MATR3: variants seen among roughly 807,000 people sequenced by gnomAD.
The protein encoded by MATR3 is matrin-3.
Under a neutral mutation model 85.5 loss-of-function variants are expected in MATR3, and 4 were observed. The ratio of observed to expected loss-of-function variants is 0.05; its 90% CI spans 0.02 to 0.11. The LOEUF is 0.11. Ranked by LOEUF, MATR3 falls within the 10% of genes least tolerant of loss-of-function variation. The pLI, the probability that MATR3 is intolerant of heterozygous loss-of-function variation, is 1.00. For synonymous variants in MATR3, 336 were observed against 343.1 expected, an observed-to-expected ratio of 0.98 and a Z score of 0.23; for missense variants, 685 against 1,016.1, an observed-to-expected ratio of 0.67 and a Z score of 4.43.
rs1756095033 is a variant in MATR3, at chr5:139,330,661, A to G, written c.*1266A>G. 2.2e-6 allele frequency: 1 copy of G among 454,172 alleles called. No homozygotes were observed. Among genetic ancestry groups the G allele is most frequent in the South Asian group, 1.6e-5 (1 of 64,480 alleles). The allele number at this position is 454,172 out of a possible 1,614,324, so 28.1% of individuals were successfully genotyped here. ...GAATTAAAAATGCTACAGGTGAACA[A>G]ACAGAAGCTTATGTTTAGAGATATT... On this transcript the variant is annotated 3_prime_UTR_variant, in exon 15 of 15. Coordinates refer to ENST00000394805, the MANE Select transcript of MATR3 (RefSeq NM_018834.6).
chr5:139,322,979 T>G lies in MATR3; in HGVS notation c.2148+12T>G. ...AAAAGCTTAAAAAGGTAAAGAAAGA[T>G]ACATTGATTTGTTTTAATAGAACAT... On this transcript the variant is annotated intron_variant, in intron 12 of 14. Transcript: ENST00000394805. 3 of 1,542,670 alleles carry G rather than the reference T, an allele frequency of 1.9e-6. No homozygotes were observed. The highest frequency in any genetic ancestry group is 1.8e-6 in the Non-Finnish European group (2 of 1,124,946).
chr5:139,327,209 TACTC>T (rs1378170012), intron 14 of MATR3, among the ~76,000 whole-genome samples: 7 of 152,214 alleles, frequency 4.6e-5, no homozygotes, highest in East Asian at 1.9e-4. Context: ...TAACTATAGT[TACTC>T]AGTCATTAGA....
chr5:139,320,680 G>C (rs1755512610), intron 9 of MATR3, among the ~76,000 whole-genome samples: 1 of 150,402 alleles, frequency 6.6e-6, no homozygotes, highest in Non-Finnish European at 1.5e-5. Context: ...ATTCAGCATT[G>C]CAAGTTTGTG....
chr5:139,302,465 A>G (rs1276394262), intron 1 of MATR3, among the ~76,000 whole-genome samples: 1 of 152,070 alleles, frequency 6.6e-6, no homozygotes, highest in African/African-American at 2.4e-5. Context: ...TACACCATTA[A>G]AATGAAAACT....
intron 1 of MATR3, among the ~76,000 whole-genome samples, chr5:139,295,977 C>A (rs1004661938): frequency 6.6e-6 from 1 of 152,138 alleles, no homozygotes; most frequent in East Asian, 1.9e-4. Flanking sequence ...GCGCGCGCCA[C>A]CACACCAAGC....
chr5:139,303,109 G>C (rs1169034430), intron 1 of MATR3, among the ~76,000 whole-genome samples: 1 of 147,274 alleles, frequency 6.8e-6, no homozygotes, highest in Non-Finnish European at 1.5e-5. Flanking sequence ...TTTTTTATTT[G>C]TTTTGTTTTT....
Position 139,317,059 on chromosome 5 carries a change from G to C in MATR3, c.1136G>C (p.Gly379Ala), listed in dbSNP as rs1755286633. The C allele has an allele frequency of 6.2e-7, 1 of 1,613,950 alleles. No individual in the cohort carries two copies. Among genetic ancestry groups the C allele is most frequent in the South Asian group, 1.1e-5 (1 of 91,080 alleles). Reference sequence around the variant, plus strand: ...ACTTTCTCTTCCCATAAAGGTGCTGGAAATGGAAACCTGCAAGGACCTAGA... The same window carrying C: ...ACTTTCTCTTCCCATAAAGGTGCTGCAAATGGAAACCTGCAAGGACCTAGA... ...AVGPRGNLGA[G>A]NGNLQGPRHM... The change falls in exon 6 of 15, where the codon GGA (glycine) becomes GCA (alanine). Residue 379 changes from glycine to alanine, a missense_variant. Physicochemically the swap from Gly to Ala is moderately conservative, Grantham distance 60 (BLOSUM62 0). Around this residue, in one of 9 missense-constraint regions of MATR3, gnomAD observed 223 missense variants for 334.4 expected, o/e 0.67. Coordinates refer to ENST00000394805, the MANE Select transcript of MATR3 (RefSeq NM_018834.6).
At chr5:139,325,265 T>C in intron 12 of MATR3, 175 bp from the exon 13 acceptor site, 2 of 1,550,360 alleles carry the variant, frequency 1.3e-6, no homozygotes, top group Non-Finnish European at 1.7e-6. Flanking sequence ...GCAGGATAAT[T>C]GTTGCAGAGT....
chr5:139,324,717 C>T (rs1345319792), intron 12 of MATR3, among the ~76,000 whole-genome samples: 1 of 152,128 alleles, frequency 6.6e-6, no homozygotes, highest in African/African-American at 2.4e-5. Flanking sequence ...TTACACATTG[C>T]CTAGCAGCAT....
chr5:139,291,615 C>G (rs1032116957), upstream of MATR3, among the ~76,000 whole-genome samples: 2 of 152,098 alleles, frequency 1.3e-5, no homozygotes, highest in Non-Finnish European at 2.9e-5. Context: ...TTGGCTTCAC[C>G]GCAACCTCCG....
At chr5:139,302,858 G>C (rs1186290699) in intron 1 of MATR3, among the ~76,000 whole-genome samples, 1 of 152,202 alleles carries the variant, frequency 6.6e-6, no homozygotes, top group East Asian at 1.9e-4. Flanking sequence ...TGGAAAATCT[G>C]AGCATTTCTT....
intron 1 of MATR3, among the ~76,000 whole-genome samples, chr5:139,298,772 G>A (rs1426379309): frequency 6.6e-6 from 1 of 152,172 alleles, no homozygotes; most frequent in African/African-American, 2.4e-5. Flanking sequence ...GAGCACCATG[G>A]AGGAGGAAGT....
At chr5:139,287,119 C>G (rs1753731258) in intron 3 of MATR3, among the ~76,000 whole-genome samples, 1 of 152,080 alleles carries the variant, frequency 6.6e-6, no homozygotes, top group African/African-American at 2.4e-5. Context: ...GGACTTTTAC[C>G]TTTGTCAAGC....
intron 1 of MATR3, among the ~76,000 whole-genome samples, chr5:139,296,447 A>C (rs923253534): frequency 1.3e-5 from 2 of 152,230 alleles, no homozygotes; most frequent in Admixed American, 1.3e-4. Flanking sequence ...TTACTCCCTG[A>C]TGTTTTTCTG....
upstream of MATR3, among the ~76,000 whole-genome samples, chr5:139,290,438 C>CTTTTTTTTTTTTTTTTTTT (rs762364450): frequency 3.1e-4 from 14 of 44,978 alleles, 6 homozygotes; most frequent in African/African-American, 1.6e-3. Context: ...CCTGGCCGCT[C>CTTTTTTTTTTTTTTTTTTT]TTTTTTTTTT....
At chr5:139,286,270 C>T (rs1016586905) in intron 3 of MATR3, among the ~76,000 whole-genome samples, 4 of 152,070 alleles carry the variant, frequency 2.6e-5, no homozygotes, top group African/African-American at 9.7e-5. Flanking sequence ...AACTCTGCTG[C>T]AGACAGCATA....
chr5:139,321,862 T>C lies in MATR3; in HGVS notation c.1603-36T>C, dbSNP rs528387752. 6.2e-6 allele frequency: 10 copies of C among 1,605,738 alleles called. No homozygotes were observed. In the African/African-American group the frequency reaches 9.4e-5, roughly 15 times the overall value. ...AGGTTTTATACAATTTTGTAAAATATAATGTGCTTTGTGGTTTCTTTTCTT... is the reference window on the plus strand; with the variant it reads ...AGGTTTTATACAATTTTGTAAAATACAATGTGCTTTGTGGTTTCTTTTCTT... On this transcript the variant is annotated intron_variant, in intron 9 of 14. Coordinates refer to ENST00000394805, the MANE Select transcript of MATR3 (RefSeq NM_018834.6).
rs760526286 is a variant in MATR3, at chr5:139,307,455, T to C, written c.40T>C (p.Ser14Pro). ...SFQQSSLSRD[S>P]QGHGRDLSAA... ...CCAGCAGTCATCTCTCAGTAGGGAC[T>C]CACAGGGTCATGGGCGTGACCTGTC... The change falls in exon 2 of 15, where the codon TCA becomes CCA. Residue 14 changes from serine (S) to proline (P), a missense_variant. This residue lies in a region of MATR3 where 30 missense variants were observed against 69.5 expected (regional missense o/e 0.43). Coordinates refer to ENST00000394805, the MANE Select transcript of MATR3 (RefSeq NM_018834.6). The surrounding 1 kb of genome is among the most constrained non-coding windows in gnomAD (Gnocchi z 4.4). 4 of 1,614,126 alleles carry C rather than the reference T, an allele frequency of 2.5e-6. No individual in the cohort carries two copies. The Admixed American group carries it at 6.7e-5, about 27-fold the overall frequency.
chr5:139,280,601 G>C (rs1186271902), intron 3 of MATR3: 1 of 152,162 alleles, frequency 6.6e-6, no homozygotes, highest in Non-Finnish European at 1.5e-5. Flanking sequence ...TGCTCCAAAG[G>C]GAGAGGTCTT....
Sources: gnomAD v4.1 joint callset for allele counts (sites outside exome capture counted in the v4.1 genomes callset) on GRCh38, gnomAD v4.1.1 for gene constraint, gnomAD v4.1.1 regional missense constraint, Gnocchi (gnomAD v3.1) non-coding constraint, MANE v1.5 for transcripts, NCBI Gene and HGNC (gene_info 2026-07-23, HGNC 2026-07-21) for gene names.